The following IL31RA variants were observed in gnomAD, a reference collection of about 807,000 sequenced individuals.
IL31RA encodes the protein interleukin-31 receptor subunit alpha.
IL31RA carries 66 observed loss-of-function variants against 83.7 expected under a neutral mutation model. The ratio of observed to expected loss-of-function variants is 0.79; its 90% confidence interval spans 0.65 to 0.97. The LOEUF is 0.97. Among genes scored for constraint, IL31RA ranks in the 50% least tolerant of loss-of-function variants. The probability of loss-of-function intolerance (pLI) is 0.00; values close to 1 mark genes in which losing one functional copy is unlikely to be tolerated. For synonymous variants in IL31RA, 325 were observed against 329.0 expected (o/e 0.99, Z 0.13); for missense variants, 798 against 919.4 (o/e 0.87, Z 1.71).
At chr5:55,863,767 A>G (rs66842084) in intron 2 of IL31RA, among the ~76,000 whole-genome samples, 12,475 of 151,942 alleles carry the variant, frequency 0.082, 883 homozygotes, top group African/African-American at 0.19. Flanking sequence ...GGAACCACTT[A>G]CTCTTCTCCT....
chr5:55,912,453 T>G (rs1352626163), intron 12 of IL31RA, among the ~76,000 whole-genome samples: 1 of 152,164 alleles, frequency 6.6e-6, no homozygotes, highest in African/African-American at 2.4e-5. Flanking sequence ...GGCTGGATCC[T>G]TCTCACTATT....
chr5:55,854,287 C>T (rs376248451), intron 1 of IL31RA, among the ~76,000 whole-genome samples: 64 of 152,202 alleles, frequency 4.2e-4, no homozygotes, highest in South Asian at 4.2e-3. Context: ...TCTGACAGCT[C>T]GCAATCTCAT....
chr5:55,854,203 T>C (rs1012689880), intron 1 of IL31RA, among the ~76,000 whole-genome samples: 11 of 152,156 alleles, frequency 7.2e-5, no homozygotes, highest in African/African-American at 2.4e-4. Flanking sequence ...CTACTGGCTG[T>C]CTCAGAATGT....
Position 55,872,412 on chromosome 5 carries a change from A to C in IL31RA, c.415A>C (p.Ile139Leu), listed in dbSNP as rs1172790962. ...GGAAGCTGAAAATGGAGATGGTGTA[A>C]TTAAATCTCATATGACATACTGGAG... The part of the protein sequence containing the change: ...EVEAENGDGV[I>L]KSHMTYWRLE... Residue 139 changes from isoleucine (I) to leucine (L), a missense_variant, in exon 4 of 15, where the codon ATT (isoleucine) becomes CTT (leucine). Physicochemically the swap from Ile to Leu is conservative, Grantham distance 5 (BLOSUM62 2). Transcript: ENST00000652347. The C allele has an allele frequency of 2.5e-6, 4 of 1,609,776 alleles. No individual in the cohort carries two copies. In the South Asian group the frequency reaches 3.3e-5, roughly 13 times the overall value.
upstream of IL31RA, among the ~76,000 whole-genome samples, chr5:55,848,698 G>T (rs761778740): frequency 1.3e-5 from 2 of 152,010 alleles, no homozygotes; most frequent in Non-Finnish European, 2.9e-5. Flanking sequence ...TGGAATTCCC[G>T]GATTAAAGGC....
chr5:55,880,188 T>C (rs933348781), intron 4 of IL31RA, among the ~76,000 whole-genome samples: 1 of 152,238 alleles, frequency 6.6e-6, no homozygotes, highest in Non-Finnish European at 1.5e-5. Context: ...AATATGTCTA[T>C]TGTATACAGC....
At chr5:55,914,287 A>G (rs1749663448) in intron 13 of IL31RA, among the ~76,000 whole-genome samples, 1 of 152,218 alleles carries the variant, frequency 6.6e-6, no homozygotes, top group South Asian at 2.1e-4. Context: ...AGCCACCAGC[A>G]TAGATTCTTG....
In IL31RA at chr5:55,921,008, G is replaced by A. The variant is rs68070763; in HGVS notation, c.*3888G>A. On this transcript the variant is annotated 3_prime_UTR_variant, in exon 15 of 15. Coordinates refer to ENST00000652347, the MANE Select transcript of IL31RA (RefSeq NM_139017.7). ...AATGCTGGAAATTATCTTATAATGC[G>A]CAGAACAGCCCTCACAACAAAGAAT... Among the ~76,000 whole-genome samples the A allele has an allele frequency of 0.12, 18,813 of 152,054 alleles. 1,675 individuals are homozygous for A. Among genetic ancestry groups the A allele is most frequent in the African/African-American group, 0.25 (10,274 of 41,430 alleles).
the IL31RA span, among the ~76,000 whole-genome samples, chr5:55,842,726 T>C: frequency 2.6e-5 from 4 of 152,188 alleles, no homozygotes; most frequent in Non-Finnish European, 5.9e-5. Context: ...TTTTCCTGGG[T>C]GGGGCCTGTT....
At position 55,872,325 on chromosome 5, in the gene IL31RA, C is replaced by A. The variant is rs745349372; in HGVS notation, c.328C>A (p.Arg110Ser). The stretch of plus-strand genomic sequence containing the variant: ...AACCAATAGTTCTACAAGTGAAAAT[C>A]GTGCTTCGTGCTCTTTTTTCCTTCC... ...CTTNSSTSEN[R>S]ASCSFFLPRI... Residue 110 changes from arginine to serine, a missense_variant, in exon 4 of 15, where the codon CGT (arginine) becomes AGT (serine). Physicochemically the swap from Arg to Ser is moderately radical, Grantham distance 110. Coordinates refer to ENST00000652347, the MANE Select transcript of IL31RA (RefSeq NM_139017.7). 1 of 1,613,048 alleles carries A rather than the reference C, an allele frequency of 6.2e-7. No homozygotes were observed. The highest frequency in any genetic ancestry group is 2.2e-5 in the East Asian group (1 of 44,848).
intron 4 of IL31RA, among the ~76,000 whole-genome samples, chr5:55,876,265 G>A (rs539041791): frequency 1.3e-3 from 194 of 152,162 alleles, no homozygotes; most frequent in Non-Finnish European, 2.3e-3. Flanking sequence ...AATTAGCTGG[G>A]CATGGTGGTG....
chr5:55,860,859 TTTCTCACGG>T (rs1321033279), intron 2 of IL31RA, among the ~76,000 whole-genome samples: 1 of 152,154 alleles, frequency 6.6e-6, no homozygotes, highest in Non-Finnish European at 1.5e-5. Context: ...AGAAATTTAT[TTTCTCACGG>T]TTCTGGAGGC....
Position 55,916,728 on chromosome 5 carries a change from T to G in IL31RA, c.1903T>G (p.Leu635Val), listed in dbSNP as rs983361472. 1.2e-6 allele frequency: 2 copies of G among 1,614,114 alleles called. No homozygotes were observed. The highest frequency in any genetic ancestry group is 2.7e-5 in the African/African-American group (2 of 75,016). ...LKPCSTPSDK[L>V]VIDKLVVNFG... ...ACCATGTTCCACCCCCAGTGACAAGTTGGTGATTGACAAGTTGGTGGTGAA... is the reference window on the plus strand; with the variant it reads ...ACCATGTTCCACCCCCAGTGACAAGGTGGTGATTGACAAGTTGGTGGTGAA... The change falls in exon 15 of 15, where the codon TTG becomes GTG. Residue 635 changes from leucine to valine, a missense_variant. By Grantham distance (32) the Leu-to-Val change is conservative. Coordinates refer to ENST00000652347, the MANE Select transcript of IL31RA (RefSeq NM_139017.7).
intron 5 of IL31RA, among the ~76,000 whole-genome samples, chr5:55,885,952 G>T (rs539257413): frequency 6.6e-6 from 1 of 152,226 alleles, no homozygotes; most frequent in South Asian, 2.1e-4. Flanking sequence ...CTTCTATTTG[G>T]CTGAGTGCAG....
chr5:55,872,038 A>C (rs1746538678), intron 3 of IL31RA, among the ~76,000 whole-genome samples: 1 of 152,100 alleles, frequency 6.6e-6, no homozygotes, highest in Non-Finnish European at 1.5e-5. Context: ...ACAGGGATCC[A>C]AAGAGGTTTT....
chr5:55,868,847 A>G lies in IL31RA; in HGVS notation c.211A>G (p.Thr71Ala). The change falls in exon 3 of 15, where the codon ACC becomes GCC. Residue 71 changes from threonine to alanine, a missense_variant. Coordinates refer to ENST00000652347, the MANE Select transcript of IL31RA (RefSeq NM_139017.7). ...SCVYYYRKNL[T>A]CTWSPGKETS... ...TGTCTACTACTATAGGAAAAATTTA[A>G]CCTGCACTTGGAGTCCAGGAAAGGA... The G allele has an allele frequency of 2.5e-6, 4 of 1,611,572 alleles. No homozygotes were observed. Among genetic ancestry groups the G allele is most frequent in the Non-Finnish European group, 8.5e-7 (1 of 1,177,684 alleles).
At position 55,922,378 on chromosome 5, in the gene IL31RA, T is replaced by C; in HGVS notation, c.*5258T>C. Reference sequence around the variant, plus strand: ...TTCAAGGGAAGTGAGATACTTGTACTATGCATTTCATTTTTAGGACTAGAA... The same window carrying C: ...TTCAAGGGAAGTGAGATACTTGTACCATGCATTTCATTTTTAGGACTAGAA... On this transcript the variant is annotated 3_prime_UTR_variant, in exon 15 of 15. Coordinates refer to ENST00000652347, the MANE Select transcript of IL31RA (RefSeq NM_139017.7). The C allele has an allele frequency of 6.5e-7, 1 of 1,548,590 alleles. No individual in the cohort carries two copies. The highest frequency in any genetic ancestry group is 8.7e-7 in the Non-Finnish European group (1 of 1,144,710).
intron 13 of IL31RA, 92 bp from the exon 14 acceptor site, chr5:55,914,755 C>A: frequency 1.1e-6 from 1 of 941,742 alleles, no homozygotes; most frequent in Non-Finnish European, 1.7e-6. Flanking sequence ...ACTTACAATT[C>A]CCTTTAGCAC....
intron 7 of IL31RA, among the ~76,000 whole-genome samples, chr5:55,896,784 T>C (rs566954745): frequency 1.7e-5 from 1 of 57,210 alleles, no homozygotes; most frequent in African/African-American, 7.4e-5. Flanking sequence ...CCTTCCTTTC[T>C]CTATCTCTCT....
Sources: gnomAD v4.1 joint callset for allele counts (sites outside exome capture counted in the v4.1 genomes callset) on GRCh38, gnomAD v4.1.1 for gene constraint, MANE v1.5 for transcripts, NCBI Gene and HGNC (gene_info 2026-07-23, HGNC 2026-07-21) for gene names.